DLGAP2: variants seen among roughly 807,000 people sequenced by gnomAD.
DLGAP2 encodes the protein DLG associated protein 2.
DLGAP2 carries 26 observed loss-of-function variants against 100.3 expected under a neutral mutation model. The ratio of observed to expected loss-of-function variants is 0.26; its 90% CI spans 0.19 to 0.36. The LOEUF is 0.36. DLGAP2 is among the 10% of genes least tolerant of loss of function. DLGAP2 has a pLI of 1.00. For missense variants in DLGAP2, 1,858 were observed against 1,453.2 expected, an observed-to-expected ratio of 1.28 and a Z score of -4.53; for synonymous variants, 886 against 630.1, an observed-to-expected ratio of 1.41 and a Z score of -6.08.
chr8:1,386,329 A>G (rs1256640515), intron 3 of DLGAP2, among the ~76,000 whole-genome samples: 1 of 152,232 alleles, frequency 6.6e-6, no homozygotes, highest in Non-Finnish European at 1.5e-5. Flanking sequence ...TCCCCAGAAC[A>G]ATGAATACAA....
intron 1 of DLGAP2, among the ~76,000 whole-genome samples, chr8:741,910 G>A (rs1307474694): frequency 1.3e-5 from 2 of 152,240 alleles, no homozygotes; most frequent in East Asian, 3.8e-4. Flanking sequence ...TGTGGCATCA[G>A]TGCACAGCCT....
intron 3 of DLGAP2, among the ~76,000 whole-genome samples, chr8:1,422,628 G>A (rs528060631): frequency 1.3e-5 from 2 of 152,074 alleles, no homozygotes; most frequent in South Asian, 4.2e-4. Context: ...CCGACTCACG[G>A]TTATCAGCAA....
chr8:738,675 G>T, intron 1 of DLGAP2: 1 of 32,020 alleles, frequency 3.1e-5, no homozygotes, highest in Non-Finnish European at 5.6e-5. Flanking sequence ...CGCCCAGGTG[G>T]GGCTGGGCTG....
intron 7 of DLGAP2, among the ~76,000 whole-genome samples, chr8:1,632,280 G>A (rs1343376932): frequency 6.6e-6 from 1 of 152,224 alleles, no homozygotes; most frequent in African/African-American, 2.4e-5. Flanking sequence ...CCGTAATGGG[G>A]ATAAGGAGAT....
intron 6 of DLGAP2, among the ~76,000 whole-genome samples, chr8:1,599,451 C>T (rs1390653033): frequency 6.6e-6 from 1 of 152,136 alleles, no homozygotes; most frequent in African/African-American, 2.4e-5. Context: ...CTAATATTGA[C>T]AGTGAGGTGT....
chr8:770,074 C>G (rs1375266461), intron 1 of DLGAP2, among the ~76,000 whole-genome samples: 1 of 152,182 alleles, frequency 6.6e-6, no homozygotes, highest in Non-Finnish European at 1.5e-5. Flanking sequence ...TCCTACCATA[C>G]CTTCAAGACA....
chr8:1,264,268 G>T (rs555899726), intron 3 of DLGAP2, among the ~76,000 whole-genome samples: 2 of 152,268 alleles, frequency 1.3e-5, no homozygotes, highest in East Asian at 3.9e-4. Flanking sequence ...TGCAATCCCA[G>T]AAAGGGGCCT....
chr8:1,278,495 CT>C (rs1486887849), intron 3 of DLGAP2, among the ~76,000 whole-genome samples: 1 of 152,168 alleles, frequency 6.6e-6, no homozygotes, highest in African/African-American at 2.4e-5. Flanking sequence ...AAAAAAACAA[CT>C]GCATATCATT....
intron 1 of DLGAP2, among the ~76,000 whole-genome samples, chr8:865,669 T>C (rs1393165238): frequency 6.6e-6 from 1 of 152,200 alleles, no homozygotes; most frequent in Non-Finnish European, 1.5e-5. Context: ...GGTTTTAAGG[T>C]TGTGGGAATG....
chr8:983,654 A>T (rs1459590959), intron 2 of DLGAP2, among the ~76,000 whole-genome samples: 1 of 152,134 alleles, frequency 6.6e-6, no homozygotes, highest in Non-Finnish European at 1.5e-5. Flanking sequence ...AATTAAAAGA[A>T]GTTTTTGGGA....
intron 2 of DLGAP2, among the ~76,000 whole-genome samples, chr8:1,194,796 A>G (rs1203813229): frequency 6.6e-6 from 1 of 152,136 alleles, no homozygotes; most frequent in Non-Finnish European, 1.5e-5. Flanking sequence ...GAAGTCTCTT[A>G]TCGTCCTCTC....
At chr8:1,504,668 C>T (rs1799843433) in intron 4 of DLGAP2, among the ~76,000 whole-genome samples, 1 of 152,194 alleles carries the variant, frequency 6.6e-6, no homozygotes, top group East Asian at 1.9e-4. Flanking sequence ...CTGGCTTGTT[C>T]CACTTAGCAT....
At chr8:1,496,839 C>T (rs1343913833) in intron 3 of DLGAP2, among the ~76,000 whole-genome samples, 1 of 152,204 alleles carries the variant, frequency 6.6e-6, no homozygotes, top group African/African-American at 2.4e-5. Context: ...GTGTGCGTTG[C>T]TGGAGGAGGG....
At chr8:1,485,144 T>C (rs1799204545) in intron 3 of DLGAP2, among the ~76,000 whole-genome samples, 1 of 152,248 alleles carries the variant, frequency 6.6e-6, no homozygotes, top group South Asian at 2.1e-4. Flanking sequence ...ATTGGGACGA[T>C]GTTAATGCAG....
At chr8:1,553,272 C>G (rs1801836745) in intron 5 of DLGAP2, among the ~76,000 whole-genome samples, 1 of 152,194 alleles carries the variant, frequency 6.6e-6, no homozygotes, top group Non-Finnish European at 1.5e-5. Context: ...TTCTCCTCTT[C>G]TAGTGTCTTC....
intron 2 of DLGAP2, among the ~76,000 whole-genome samples, chr8:957,299 G>A (rs893236919): frequency 2.4e-4 from 36 of 152,248 alleles, no homozygotes; most frequent in African/African-American, 8.2e-4. Context: ...GATGACCCTG[G>A]AAGAGGAGCC....
At chr8:915,576 A>T (rs1798574705) in intron 2 of DLGAP2, among the ~76,000 whole-genome samples, 1 of 151,824 alleles carries the variant, frequency 6.6e-6, no homozygotes, top group Non-Finnish European at 1.5e-5. Flanking sequence ...CATCGCTGGA[A>T]TGAGACTGTT....
chr8:1,598,843 G>T (rs187434921), intron 6 of DLGAP2, among the ~76,000 whole-genome samples: 1 of 152,000 alleles, frequency 6.6e-6, no homozygotes, highest in African/African-American at 2.4e-5. Context: ...TTTTTTTGAA[G>T]GGTTTTTCAT....
chr8:1,584,259 C>T (rs79579650), intron 6 of DLGAP2, among the ~76,000 whole-genome samples: 12,621 of 152,196 alleles, frequency 0.083, 940 homozygotes, highest in African/African-American at 0.2. Context: ...ATAAAGTAAT[C>T]CTGTTTAGAG....
Sources: allele counts gnomAD v4.1 joint callset (sites outside exome capture counted in the v4.1 genomes callset), GRCh38; gene constraint gnomAD v4.1.1; transcripts MANE v1.5; gene names NCBI Gene and HGNC (gene_info 2026-07-23, HGNC 2026-07-21).